ACTR3C: variants seen among roughly 807,000 people sequenced by gnomAD.
The protein encoded by ACTR3C is actin-related protein 3C.
Under a neutral mutation model 26.3 loss-of-function variants are expected in ACTR3C, and 18 were observed. The observed-to-expected ratio is 0.68, with a 90% confidence interval of 0.47 to 1.01. The LOEUF (loss-of-function observed/expected upper bound fraction) is 1.01. Ranked by LOEUF, ACTR3C falls within the 50% of genes least tolerant of loss-of-function variation. ACTR3C has a pLI of 0.00. For synonymous variants in ACTR3C, 55 were observed against 94.5 expected, an observed-to-expected ratio of 0.58 and a Z score of 2.42; for missense variants, 184 against 250.7, an observed-to-expected ratio of 0.73 and a Z score of 1.80.
chr7:150,179,447 T>C, the ACTR3C span, among the ~76,000 whole-genome samples: 1 of 143,198 alleles, frequency 7.0e-6, no homozygotes, highest in Non-Finnish European at 1.5e-5. Context: ...AAATTGTAAA[T>C]CACTATTAAA....
chr7:149,967,275 T>A, the ACTR3C span, among the ~76,000 whole-genome samples: 1 of 152,024 alleles, frequency 6.6e-6, no homozygotes, highest in Non-Finnish European at 1.5e-5. Flanking sequence ...GACCTCGTGA[T>A]CCACCCGCCT....
the ACTR3C span, among the ~76,000 whole-genome samples, chr7:150,015,724 G>T: frequency 6.6e-6 from 1 of 152,048 alleles, no homozygotes; most frequent in Non-Finnish European, 1.5e-5. Context: ...ACCAAGGCCC[G>T]CCTTTCCTAG....
At chr7:150,267,758 A>T (rs1231654406) in intron 6 of ACTR3C, among the ~76,000 whole-genome samples, 2 of 152,180 alleles carry the variant, frequency 1.3e-5, no homozygotes, top group Non-Finnish European at 2.9e-5. Context: ...CGCATGCCCC[A>T]CGGATAAGAA....
chr7:150,193,991 G>GACACACACACAC, the ACTR3C span, among the ~76,000 whole-genome samples: 6 of 131,836 alleles, frequency 4.6e-5, no homozygotes, highest in Non-Finnish European at 3.4e-5. Context: ...TACACACACA[G>GACACACACACAC]ACACACACAC....
chr7:150,280,515 G>C lies in ACTR3C; in HGVS notation c.564+4238C>G, dbSNP rs182121312. On this transcript the variant is annotated intron_variant, in intron 6 of 7. Coordinates refer to ENST00000683684, the MANE Select transcript of ACTR3C (RefSeq NM_001164458.2). ...TGGCAGTTACCAGGTGCTGCGGAGT[G>C]GGGAGATGTTAGTCAAAGGGAACAA... is the stretch of plus-strand genomic sequence containing the variant. Among the ~76,000 whole-genome samples, 109 of 152,266 alleles carry C rather than the reference G, an allele frequency of 7.2e-4. 1 individual carries two copies. Among genetic ancestry groups the C allele is most frequent in the Admixed American group, 3.0e-3 (46 of 15,298 alleles).
chr7:150,059,793 G>T, the ACTR3C span, among the ~76,000 whole-genome samples: 1 of 152,218 alleles, frequency 6.6e-6, no homozygotes, highest in Admixed American at 6.5e-5. Flanking sequence ...CTCCACCAAG[G>T]CTGCTATGAG....
intron 6 of ACTR3C, among the ~76,000 whole-genome samples, chr7:150,255,522 A>C (rs1162257051): frequency 6.7e-6 from 1 of 149,968 alleles, no homozygotes; most frequent in Admixed American, 6.6e-5. Context: ...TCACCTACCC[A>C]CTCCCTTCAG....
At chr7:150,121,838 G>T in the ACTR3C span, among the ~76,000 whole-genome samples, 3 of 151,804 alleles carry the variant, frequency 2.0e-5, no homozygotes, top group African/African-American at 4.8e-5. Flanking sequence ...AAACTATAAG[G>T]CTACAGTAAC....
chr7:150,117,990 G>T, the ACTR3C span, among the ~76,000 whole-genome samples: 2 of 152,160 alleles, frequency 1.3e-5, no homozygotes, highest in Non-Finnish European at 2.9e-5. Flanking sequence ...TGCAGAAGAG[G>T]TGACTGACTG....
the ACTR3C span, among the ~76,000 whole-genome samples, chr7:150,032,184 TA>T: frequency 6.6e-6 from 1 of 152,210 alleles, no homozygotes; most frequent in Non-Finnish European, 1.5e-5. Context: ...ATGATAATGC[TA>T]TGGAAATTCA....
At chr7:150,179,533 T>G in the ACTR3C span, among the ~76,000 whole-genome samples, 2 of 149,490 alleles carry the variant, frequency 1.3e-5, no homozygotes, top group East Asian at 3.9e-4. Context: ...TAGAGACAGG[T>G]TCTCACCGAG....
At chr7:149,979,235 C>T in the ACTR3C span, among the ~76,000 whole-genome samples, 5 of 152,158 alleles carry the variant, frequency 3.3e-5, no homozygotes, top group Admixed American at 6.5e-5. Context: ...GTCATTGTGG[C>T]GAGCTGGCAG....
the ACTR3C span, among the ~76,000 whole-genome samples, chr7:150,139,352 AT>A: frequency 1.3e-4 from 19 of 151,548 alleles, no homozygotes; most frequent in African/African-American, 3.9e-4. Flanking sequence ...GTAAAAAAAA[AT>A]AAAATAAAAA....
the ACTR3C span, among the ~76,000 whole-genome samples, chr7:150,122,056 T>C: frequency 1.3e-5 from 2 of 152,172 alleles, no homozygotes; most frequent in Non-Finnish European, 2.9e-5. Flanking sequence ...ACCTTTTCCT[T>C]ACACCTCATA....
chr7:149,958,263 A>G, the ACTR3C span, among the ~76,000 whole-genome samples: 2 of 152,028 alleles, frequency 1.3e-5, no homozygotes, highest in Non-Finnish European at 2.9e-5. Flanking sequence ...TGACAGTACC[A>G]GTTTCATGAT....
rs141144550 is a variant in ACTR3C at position 150,309,909 on chromosome 7, G to A, written c.-52+13560C>T. Among the ~76,000 whole-genome samples, 16 of 152,154 alleles carry A rather than the reference G, an allele frequency of 1.1e-4. No individual in the cohort carries two copies. The East Asian group carries it at 2.5e-3, about 24-fold the overall frequency. ...AACTTTTACAGTGGAGGGTAAGTCCGTCCCCTTTTTAATTGATATGGAGGC... is the reference window on the plus strand; with the variant it reads ...AACTTTTACAGTGGAGGGTAAGTCCATCCCCTTTTTAATTGATATGGAGGC... On this transcript the variant is annotated intron_variant, in intron 1 of 7. Coordinates refer to ENST00000683684, the MANE Select transcript of ACTR3C (RefSeq NM_001164458.2).
chr7:150,033,876 A>C, the ACTR3C span, among the ~76,000 whole-genome samples: 13 of 140,484 alleles, frequency 9.3e-5, no homozygotes, highest in Admixed American at 8.5e-4. Context: ...CCTAAGAGCA[A>C]AGGGGGGAAG....
the ACTR3C span, among the ~76,000 whole-genome samples, chr7:150,169,339 C>T: frequency 1.0e-4 from 15 of 147,220 alleles, 2 homozygotes; most frequent in African/African-American, 3.2e-4. Context: ...GCCAAGATCT[C>T]GCCACCGTGC....
chr7:149,943,350 T>C, the ACTR3C span, among the ~76,000 whole-genome samples: 1 of 151,470 alleles, frequency 6.6e-6, no homozygotes, highest in Admixed American at 6.6e-5. Flanking sequence ...TGCAGGTGTA[T>C]TGGCTGTCAG....
Sources: allele counts gnomAD v4.1 joint callset (sites outside exome capture counted in the v4.1 genomes callset), GRCh38; gene constraint gnomAD v4.1.1; transcripts MANE v1.5; gene names NCBI Gene and HGNC (gene_info 2026-07-23, HGNC 2026-07-21).